PHKB: variants seen among roughly 807,000 people sequenced by gnomAD.
The protein encoded by PHKB is phosphorylase kinase regulatory subunit beta.
In PHKB, 122 loss-of-function variants were observed where a neutral mutation model predicts 152.1. That is an observed-to-expected ratio of 0.80 (90% CI 0.69 to 0.93). The LOEUF (loss-of-function observed/expected upper bound fraction) is 0.93, where lower values mean the gene tolerates loss of function less well. PHKB is among the 40% of genes least tolerant of loss of function. The pLI is 0.00. For synonymous variants in PHKB, 436 were observed against 464.9 expected (o/e 0.94, Z 0.80); for missense variants, 1,304 against 1,328.4 (o/e 0.98, Z 0.29).
intron 5 of PHKB, among the ~76,000 whole-genome samples, chr16:47,512,291 G>A (rs1970524068): frequency 3.9e-5 from 6 of 152,200 alleles, no homozygotes; most frequent in Admixed American, 3.9e-4. Context: ...TGAGTTAGTT[G>A]TGGCAATTGA....
intron 10 of PHKB, among the ~76,000 whole-genome samples, chr16:47,592,543 C>T (rs1972046310): frequency 6.6e-6 from 1 of 152,258 alleles, no homozygotes; most frequent in Non-Finnish European, 1.5e-5. Context: ...TTCCATCCAG[C>T]GTTAGCTGAA....
At chr16:47,630,698 A>G (rs962220679) in intron 14 of PHKB, among the ~76,000 whole-genome samples, 5 of 152,172 alleles carry the variant, frequency 3.3e-5, no homozygotes, top group African/African-American at 1.2e-4. Context: ...TATTTGGTCA[A>G]ACACTATTCT....
At chr16:47,665,896 CTTT>C (rs770513018) in intron 25 of PHKB, 2 of 1,375,028 alleles carry the variant, frequency 1.5e-6, no homozygotes, top group Non-Finnish European at 2.1e-6. Flanking sequence ...CATTCCTCAT[CTTT>C]TAGATTTGTG....
chr16:47,658,987 A>G (rs1973389732), intron 20 of PHKB, among the ~76,000 whole-genome samples: 1 of 152,210 alleles, frequency 6.6e-6, no homozygotes, highest in South Asian at 2.1e-4. Context: ...ATATTTGTCT[A>G]ACAAATCATT....
intron 6 of PHKB, among the ~76,000 whole-genome samples, chr16:47,528,974 G>A (rs903770199): frequency 2.0e-5 from 3 of 152,000 alleles, no homozygotes; most frequent in Non-Finnish European, 2.9e-5. Flanking sequence ...GATTACAGGC[G>A]TGAGGAACCA....
At position 47,650,543 on chromosome 16, in the gene PHKB, G is replaced by A; in HGVS notation, c.1798-1G>A. On this transcript the variant is annotated splice_acceptor_variant, in intron 18 of 30. Transcript: ENST00000323584. LOFTEE classifies it high-confidence loss of function. The stretch of plus-strand genomic sequence containing the variant: ...ACATCCTACCTCATTCTGTTTGACA[G>A]AATGCGCTGCAGTTCATTAAACAAT... The A allele has an allele frequency of 6.3e-7, 1 of 1,576,286 alleles. No homozygotes were observed. The highest frequency in any genetic ancestry group is 8.7e-7 in the Non-Finnish European group (1 of 1,145,788).
intron 3 of PHKB, among the ~76,000 whole-genome samples, chr16:47,500,983 T>C (rs1026455789): frequency 2.0e-5 from 3 of 152,226 alleles, no homozygotes. Context: ...TAAGATGCAG[T>C]AGTCTTCTTT....
At chr16:47,566,351 A>G in intron 7 of PHKB, 1 of 1,412,888 alleles carries the variant, frequency 7.1e-7, no homozygotes, top group East Asian at 2.3e-5. Flanking sequence ...AGCCAGAAGA[A>G]TGATCATTCC....
chr16:47,611,252 G>T (rs1972423024), intron 14 of PHKB, among the ~76,000 whole-genome samples: 1 of 152,216 alleles, frequency 6.6e-6, no homozygotes, highest in East Asian at 1.9e-4. Flanking sequence ...AAAGGCCTGT[G>T]CTTGATGTCT....
chr16:47,544,316 T>A (rs978778086), intron 6 of PHKB, among the ~76,000 whole-genome samples: 1 of 152,206 alleles, frequency 6.6e-6, no homozygotes, highest in Non-Finnish European at 1.5e-5. Context: ...TCAAAGAACA[T>A]CTTTATTTCT....
intron 28 of PHKB, among the ~76,000 whole-genome samples, chr16:47,694,394 A>AC (rs1260665465): frequency 6.6e-6 from 1 of 152,192 alleles, no homozygotes; most frequent in Non-Finnish European, 1.5e-5. Flanking sequence ...TCTCAAAGGC[A>AC]CAGACCCACA....
intron 1 of PHKB, among the ~76,000 whole-genome samples, chr16:47,468,384 G>A (rs552674852): frequency 6.6e-6 from 1 of 152,222 alleles, no homozygotes; most frequent in African/African-American, 2.4e-5. Context: ...ACAATCCCAG[G>A]CTCACGCCTA....
At chr16:47,608,027 T>G (rs11861826) in intron 13 of PHKB, among the ~76,000 whole-genome samples, 16,304 of 148,960 alleles carry the variant, frequency 0.11, 1,801 homozygotes, top group African/African-American at 0.29. Context: ...TTTTAATGGG[T>G]TTTTTTTTTC....
intron 6 of PHKB, among the ~76,000 whole-genome samples, chr16:47,525,888 G>A (rs1344781761): frequency 6.6e-6 from 1 of 152,126 alleles, no homozygotes; most frequent in African/African-American, 2.4e-5. Context: ...AGGAAGGGAG[G>A]GTTAGCTAGG....
At chr16:47,597,291 T>G (rs1597112672) in intron 13 of PHKB, among the ~76,000 whole-genome samples, 1 of 152,194 alleles carries the variant, frequency 6.6e-6, no homozygotes, top group East Asian at 1.9e-4. Context: ...TTTTGTTGTT[T>G]CTAGCATTAC....
chr16:47,584,426 C>G (rs1426074812), intron 8 of PHKB, among the ~76,000 whole-genome samples: 1 of 152,158 alleles, frequency 6.6e-6, no homozygotes, highest in African/African-American at 2.4e-5. Flanking sequence ...CAGCTCTGCT[C>G]TTTTGAGACC....
At chr16:47,494,663 C>T (rs1422798187) in intron 1 of PHKB, among the ~76,000 whole-genome samples, 2 of 152,082 alleles carry the variant, frequency 1.3e-5, no homozygotes, top group Admixed American at 1.3e-4. Context: ...AGACATAATG[C>T]GAATGGGAAA....
chr16:47,521,197 T>C (rs1970679695), intron 6 of PHKB, among the ~76,000 whole-genome samples: 1 of 152,228 alleles, frequency 6.6e-6, no homozygotes, highest in Non-Finnish European at 1.5e-5. Flanking sequence ...CATATAGTAA[T>C]AGTTTACTTC....
chr16:47,468,005 C>G (rs1293549170), intron 1 of PHKB, among the ~76,000 whole-genome samples: 1 of 152,156 alleles, frequency 6.6e-6, no homozygotes, highest in African/African-American at 2.4e-5. Flanking sequence ...CAATCATGTT[C>G]TTCCTTAAAT....
Sources: gnomAD v4.1 joint callset for allele counts (sites outside exome capture counted in the v4.1 genomes callset) on GRCh38, gnomAD v4.1.1 for gene constraint, MANE v1.5 for transcripts, NCBI Gene and HGNC (gene_info 2026-07-23, HGNC 2026-07-21) for gene names.